Variants in OVGP1 observed in about 807,000 individuals in gnomAD.
OVGP1 encodes oviduct-specific glycoprotein.
Under a neutral mutation model 48.2 loss-of-function variants are expected in OVGP1, and 26 were observed. The observed-to-expected ratio is 0.54, with a 90% confidence interval of 0.40 to 0.75. The LOEUF (loss-of-function observed/expected upper bound fraction) is 0.75. OVGP1 is among the 30% of genes least tolerant of loss of function. The pLI is 0.00. For synonymous variants in OVGP1, 294 were observed against 305.7 expected (o/e 0.96, Z 0.40); for missense variants, 791 against 820.6 (o/e 0.96, Z 0.44).
In OVGP1 at chr1:111,415,166, G is replaced by T; in HGVS notation, c.1335C>A (p.Thr445=). 1 of 1,614,122 alleles carries T rather than the reference G, an allele frequency of 6.2e-7. No homozygotes were observed. Among genetic ancestry groups the T allele is most frequent in the Non-Finnish European group, 8.5e-7 (1 of 1,180,006 alleles). The change falls in exon 11 of 11, where the codon ACC becomes ACA. Residue 445 remains threonine (T), a synonymous_variant. Coordinates refer to ENST00000369732, the MANE Select transcript of OVGP1 (RefSeq NM_002557.4). ...TAGGGGTCACAGTTGTACCTCTAGG[G>T]GTTATAGTCATATTTTCACACTTTC... ...IHGKCENMTI[T]PRGTTVTPTK...
intron 2 of OVGP1, 54 bp downstream of exon 2, chr1:111,427,008 C>A: frequency 1.9e-6 from 3 of 1,613,478 alleles, no homozygotes; most frequent in Non-Finnish European, 2.5e-6. Flanking sequence ...ATGTGGAGGA[C>A]TTCTCAGCCA....
In OVGP1 at chr1:111,419,695, T is replaced by C. The variant is rs201768557; in HGVS notation, c.935A>G (p.His312Arg). The C allele has an allele frequency of 5.6e-6, 9 of 1,613,434 alleles. No homozygotes were observed. The highest frequency in any genetic ancestry group is 7.6e-6 in the Non-Finnish European group (9 of 1,179,612). ...ICSFVWGAKKHWIDYQYVPYA... is the reference protein window; with the variant it reads ...ICSFVWGAKKRWIDYQYVPYA... ...CGGGACATACTGGTAATCAATCCAG[T>C]GCTTCTTCGCTCCCCAGACAAAGGA... Residue 312 changes from histidine to arginine, a missense_variant, in exon 9 of 11, where the codon CAC becomes CGC. Coordinates refer to ENST00000369732, the MANE Select transcript of OVGP1 (RefSeq NM_002557.4).
rs760027271 is a variant in OVGP1, at chr1:111,423,675, A to G, written c.351T>C (p.Arg117=). The change falls in exon 5 of 11, where the codon CGT becomes CGC. Residue 117 remains arginine (R), a synonymous_variant. Coordinates refer to ENST00000369732, the MANE Select transcript of OVGP1 (RefSeq NM_002557.4). ...ATATAACTGAAGCAATAAACTTTTC[A>G]CGGTTGGCAAATGTGGACAACATAG... The part of the protein sequence containing the change: ...FTTMLSTFAN[R]EKFIASVISL... 2.5e-6 allele frequency: 4 copies of G among 1,614,054 alleles called. No individual in the cohort carries two copies. The East Asian group carries it at 8.9e-5, about 36-fold the overall frequency.
rs375513859 is a variant in OVGP1 at position 111,421,351 on chromosome 1, C to A, written c.828G>T (p.Gly276=). 1.2e-6 allele frequency: 2 copies of A among 1,614,006 alleles called. No homozygotes were observed. The highest frequency in any genetic ancestry group is 1.3e-5 in the African/African-American group (1 of 74,912). ...TFRLLKASKN[G]LQARAIGPAS... Reference sequence around the variant, plus strand: ...CTGGTCCGATCGCTCTGGCCTGCAACCCATTCTTAGAGGCTTTGAGGAGGC... The same window carrying A: ...CTGGTCCGATCGCTCTGGCCTGCAAACCATTCTTAGAGGCTTTGAGGAGGC... Residue 276 remains glycine, a synonymous_variant, in exon 8 of 11, where the codon GGG becomes GGT. Coordinates refer to ENST00000369732, the MANE Select transcript of OVGP1 (RefSeq NM_002557.4).
chr1:111,421,365 C>G lies in OVGP1; in HGVS notation c.814G>C (p.Ala272Pro). Residue 272 changes from alanine to proline, a missense_variant, in exon 8 of 11, where the codon GCC becomes CCC. Physicochemically the swap from Ala to Pro is conservative, Grantham distance 27. Transcript: ENST00000369732. ...TYGRTFRLLK[A>P]SKNGLQARAI... Reference sequence around the variant, plus strand: ...CTGGCCTGCAACCCATTCTTAGAGGCTTTGAGGAGGCGAAAGGTACGTCCA... The same window carrying G: ...CTGGCCTGCAACCCATTCTTAGAGGGTTTGAGGAGGCGAAAGGTACGTCCA... 6.2e-7 allele frequency: 1 copy of G among 1,614,154 alleles called. No individual in the cohort carries two copies. Among genetic ancestry groups the G allele is most frequent in the Non-Finnish European group, 8.5e-7 (1 of 1,180,024 alleles).
Position 111,414,757 on chromosome 1 carries a change from A to C in OVGP1, c.1744T>G (p.Ser582Ala). 6.2e-7 allele frequency: 1 copy of C among 1,610,886 alleles called. No individual in the cohort carries two copies. The highest frequency in any genetic ancestry group is 1.1e-5 in the South Asian group (1 of 90,956). Residue 582 changes from serine to alanine, a missense_variant, in exon 11 of 11, where the codon TCA (serine) becomes GCA (alanine). Ser to Ala is a moderately conservative substitution (Grantham distance 99). Transcript: ENST00000369732. ...ATAGTCTGCCCTTCAGGGGTGACTG[A>C]TATGTTTCTGGAGGGGACAGTCACC... The part of the protein sequence containing the change: ...EKVTVPSRNI[S>A]VTPEGQTMPL...
intron 4 of OVGP1, among the ~76,000 whole-genome samples, chr1:111,424,925 T>C (rs540214369): frequency 3.2e-4 from 49 of 152,372 alleles, no homozygotes; most frequent in African/African-American, 9.4e-4. Flanking sequence ...TGCTACATAC[T>C]GAACATGTAC....
chr1:111,419,648 A>G lies in OVGP1; in HGVS notation c.982T>C (p.Trp328Arg), dbSNP rs933520486. Residue 328 changes from tryptophan to arginine, a missense_variant, in exon 9 of 11, where the codon TGG (tryptophan) becomes CGG (arginine). Coordinates refer to ENST00000369732, the MANE Select transcript of OVGP1 (RefSeq NM_002557.4). ...CTGATGGCATTGTCATAGCCAACCC[A>G]CTCTTTCCCCTTGTTGGCATACGGG... ...YVPYANKGKE[W>R]VGYDNAISFS... 1.9e-6 allele frequency: 3 copies of G among 1,612,562 alleles called. No individual in the cohort carries two copies. In the African/African-American group the frequency reaches 4.0e-5, roughly 22 times the overall value.
chr1:111,422,144 C>T (rs1349162405), intron 6 of OVGP1, among the ~76,000 whole-genome samples: 1 of 152,194 alleles, frequency 6.6e-6, no homozygotes, highest in Non-Finnish European at 1.5e-5. Flanking sequence ...GTGTAACTAT[C>T]TCCATTTTAA....
rs111925583 is a variant in OVGP1 at position 111,416,175 on chromosome 1, G to C, written c.1156+148C>G. On this transcript the variant is annotated intron_variant, in intron 10 of 10. Transcript: ENST00000369732. ...AATAAGGGCCAAGTATCCCAACAAA[G>C]ACTGGAAAACATATTGGCCTGGCAA... 24 of 794,002 alleles carry C rather than the reference G, an allele frequency of 3.0e-5. 2 individuals are homozygous for C. Among genetic ancestry groups the C allele is most frequent in the African/African-American group, 2.6e-4 (15 of 57,010 alleles). 49.2% of individuals were successfully genotyped at this position (794,002 alleles called of 1,614,324 possible). A position where few individuals can be genotyped will look rare whatever the true frequency, so the allele number is the denominator to read the frequency against.
At chr1:111,418,669 C>T (rs1345388479) in intron 9 of OVGP1, among the ~76,000 whole-genome samples, 2 of 152,226 alleles carry the variant, frequency 1.3e-5, no homozygotes, top group African/African-American at 2.4e-5. Flanking sequence ...CTTCCAACTA[C>T]CCTAGTCCAG....
chr1:111,417,855 A>G (rs915236969), intron 9 of OVGP1, among the ~76,000 whole-genome samples: 2 of 152,226 alleles, frequency 1.3e-5, no homozygotes, highest in African/African-American at 4.8e-5. Context: ...CTCTGAAATT[A>G]TGAGACTCAG....
intron 9 of OVGP1, among the ~76,000 whole-genome samples, chr1:111,418,671 C>G (rs1652190266): frequency 6.6e-6 from 1 of 152,246 alleles, no homozygotes; most frequent in South Asian, 2.1e-4. Context: ...TCCAACTACC[C>G]TAGTCCAGAC....
intron 1 of OVGP1, chr1:111,427,409 A>C: frequency 5.2e-6 from 5 of 964,736 alleles, no homozygotes; most frequent in Non-Finnish European, 4.9e-6. Context: ...CAAATTAAGA[A>C]GTACTGATAT....
At chr1:111,425,481 T>C (rs1176008598) in intron 3 of OVGP1, 42 bp from the exon 4 acceptor site, 7 of 1,613,430 alleles carry the variant, frequency 4.3e-6, no homozygotes, top group Admixed American at 1.7e-5. Flanking sequence ...GGTTCTTCAC[T>C]CCGGTGGGCA....
chr1:111,416,264 C>T, intron 10 of OVGP1, 59 bp downstream of exon 10: 1 of 1,475,848 alleles, frequency 6.8e-7, no homozygotes, highest in Non-Finnish European at 9.1e-7. Context: ...GCAGAAGGGC[C>T]TTACCCAGTG....
Position 111,423,019 on chromosome 1 carries a change from C to T in OVGP1, c.516G>A (p.Leu172=), listed in dbSNP as rs748204631. ...GCAGCAGCCTCGGGCGCATGGTGAGCAGTGCCTCCTTCCGGAAGGCAAACA... is the reference window on the plus strand; with the variant it reads ...GCAGCAGCCTCGGGCGCATGGTGAGTAGTGCCTCCTTCCGGAAGGCAAACA... ...ELLFAFRKEA[L]LTMRPRLLLS... is the part of the protein sequence containing the mutation. The change falls in exon 6 of 11, where the codon CTG becomes CTA. Residue 172 remains leucine, a synonymous_variant. Coordinates refer to ENST00000369732, the MANE Select transcript of OVGP1 (RefSeq NM_002557.4). The T allele has an allele frequency of 2.5e-6, 4 of 1,614,164 alleles. No homozygotes were observed. The South Asian group carries it at 3.3e-5, about 13-fold the overall frequency.
intron 9 of OVGP1, among the ~76,000 whole-genome samples, chr1:111,418,201 C>A (rs1485811848): frequency 6.6e-6 from 1 of 152,202 alleles, no homozygotes; most frequent in Non-Finnish European, 1.5e-5. Context: ...CCTAGTTCTG[C>A]AAGTTACAGT....
chr1:111,426,923 T>G (rs1217511428), intron 2 of OVGP1, 139 bp downstream of exon 2: 1 of 1,555,918 alleles, frequency 6.4e-7, no homozygotes, highest in African/African-American at 1.4e-5. Flanking sequence ...TGACCAAAAA[T>G]CCTCTGAGAA....
Sources: gnomAD v4.1 joint callset for allele counts (sites outside exome capture counted in the v4.1 genomes callset) on GRCh38, gnomAD v4.1.1 for gene constraint, MANE v1.5 for transcripts, NCBI Gene and HGNC (gene_info 2026-07-23, HGNC 2026-07-21) for gene names.